Variants in UNC13B observed in about 807,000 individuals in gnomAD.
UNC13B encodes the protein protein unc-13 homolog B.
UNC13B carries 144 observed loss-of-function variants against 211.0 expected under a neutral mutation model. That is an observed-to-expected ratio of 0.68 (90% CI 0.60 to 0.78). The LOEUF is 0.78. UNC13B is among the 30% of genes least tolerant of loss of function. The pLI, the probability that UNC13B is intolerant of heterozygous loss-of-function variation, is 0.00. For synonymous variants in UNC13B, 709 were observed against 725.8 expected (o/e 0.98, Z 0.37); for missense variants, 1,777 against 2,002.0 (o/e 0.89, Z 2.14).
intron 18 of UNC13B, 91 bp from the exon 19 acceptor site, chr9:35,381,009 G>T: frequency 4.7e-6 from 6 of 1,273,348 alleles, no homozygotes; most frequent in Non-Finnish European, 6.5e-6. Context: ...CCTTGGGTTG[G>T]CCCCTTCTCT....
At chr9:35,345,754 C>T (rs1832314856) in intron 11 of UNC13B, among the ~76,000 whole-genome samples, 1 of 152,192 alleles carries the variant, frequency 6.6e-6, no homozygotes, top group Non-Finnish European at 1.5e-5. Flanking sequence ...GAAAGGGAGC[C>T]CTGGGCAGGG....
chr9:35,280,562 G>A (rs1390367639), intron 7 of UNC13B, among the ~76,000 whole-genome samples: 1 of 152,162 alleles, frequency 6.6e-6, no homozygotes, highest in Admixed American at 6.5e-5. Flanking sequence ...GTAAGGCAGT[G>A]CAATGGGTCT....
Position 35,303,735 on chromosome 9 carries a change from G to A in UNC13B, c.4331G>A (p.Gly1444Asp), listed in dbSNP as rs10814223. ...TTTAATGAAGATTACTTATTAAGAG[G>A]TGATGTGTGGGCAGCTAACTCATTA... Reference protein sequence around the residue: ...LAFNEDYLLRGDVWAANSLYG... With the variant: ...LAFNEDYLLRDDVWAANSLYG... The change falls in exon 9 of 40, where the codon GGT becomes GAT. Residue 1444 changes from glycine to aspartate, a missense_variant. Coordinates refer to ENST00000635942, the MANE Select transcript of UNC13B (RefSeq NM_001371189.2). 83,976 of 398,408 alleles carry A rather than the reference G, an allele frequency of 0.21. 9,290 individuals carry two copies. The highest frequency in any genetic ancestry group is 0.24 in the Non-Finnish European group (54,472 of 225,696). 24.7% of individuals were successfully genotyped at this position (398,408 alleles called of 1,614,324 possible). A position where few individuals can be genotyped will look rare whatever the true frequency, so the allele number is the denominator to read the frequency against.
intron 6 of UNC13B, among the ~76,000 whole-genome samples, chr9:35,247,631 G>C (rs1488706716): frequency 2.0e-5 from 3 of 152,106 alleles, no homozygotes; most frequent in Non-Finnish European, 2.9e-5. Flanking sequence ...TTTGTCTTTG[G>C]TTCTGTTTAT....
intron 6 of UNC13B, among the ~76,000 whole-genome samples, chr9:35,246,010 C>T (rs1307107394): frequency 1.3e-5 from 2 of 152,160 alleles, no homozygotes; most frequent in Non-Finnish European, 2.9e-5. Flanking sequence ...TCTCCAGCAC[C>T]TGTTGTTTCC....
At chr9:35,375,258 T>G in intron 14 of UNC13B, 57 bp downstream of exon 14, 1 of 1,549,660 alleles carries the variant, frequency 6.5e-7, no homozygotes, top group Non-Finnish European at 8.9e-7. Flanking sequence ...TGATCATCTC[T>G]GTAGCCATGC....
At chr9:35,336,363 G>T (rs1050683060) in intron 11 of UNC13B, among the ~76,000 whole-genome samples, 1 of 152,006 alleles carries the variant, frequency 6.6e-6, no homozygotes, top group Admixed American at 6.5e-5. Context: ...TATAACATGG[G>T]TATAACAATG....
At position 35,396,492 on chromosome 9, in the gene UNC13B, C is replaced by T. The variant is rs2132346897; in HGVS notation, c.11325C>T (p.His3775=). ...TACCACTAGAGCATGAGAAAGACCA[C>T]CTGTGTAAAAGTGCTGACTACATGA... is the stretch of plus-strand genomic sequence containing the variant. ...KYALEEHEKD[H]LCKSADYMNL... is the part of the protein sequence containing the mutation. Residue 3775 remains histidine (H), a synonymous_variant, in exon 27 of 40, where the codon CAC becomes CAT. Transcript: ENST00000635942. 1 of 1,614,124 alleles carries T rather than the reference C, an allele frequency of 6.2e-7. No individual in the cohort carries two copies. Among genetic ancestry groups the T allele is most frequent in the Non-Finnish European group, 8.5e-7 (1 of 1,180,042 alleles).
Position 35,308,228 on chromosome 9 carries a change from G to A in UNC13B, c.8824G>A (p.Ala2942Thr). ...SASGEHWDTK[A>T]NLSSPACPSG... Reference sequence around the variant, plus strand: ...ATCTGGAGAACACTGGGATACCAAAGCCAACCTGTCTAGCCCCGCCTGTCC... The same window carrying A: ...ATCTGGAGAACACTGGGATACCAAAACCAACCTGTCTAGCCCCGCCTGTCC... Residue 2942 changes from alanine (A) to threonine (T), a missense_variant, in exon 9 of 40, where the codon GCC becomes ACC. Transcript: ENST00000635942. 1 of 399,432 alleles carries A rather than the reference G, an allele frequency of 2.5e-6. No homozygotes were observed. Among genetic ancestry groups the A allele is most frequent in the East Asian group, 3.6e-5 (1 of 28,094 alleles). The allele number at this position is 399,432 out of a possible 1,614,324, so 24.7% of individuals were successfully genotyped here.
intron 7 of UNC13B, among the ~76,000 whole-genome samples, chr9:35,259,765 A>ATG (rs59824348): frequency 0.25 from 22,615 of 92,100 alleles, 2,927 homozygotes; most frequent in East Asian, 0.39. Context: ...AACCTGTGAT[A>ATG]TGTGTGTGTG....
Position 35,304,836 on chromosome 9 carries a change from A to T in UNC13B, c.5432A>T (p.Asn1811Ile), listed in dbSNP as rs888746248. Residue 1811 changes from asparagine to isoleucine, a missense_variant, in exon 9 of 40, where the codon AAT (asparagine) becomes ATT (isoleucine). Physicochemically the swap from Asn to Ile is moderately radical, Grantham distance 149. Coordinates refer to ENST00000635942, the MANE Select transcript of UNC13B (RefSeq NM_001371189.2). ...MSKQLEGNSP[N>I]VEKSLLKDSE... ...AAGCAATTAGAGGGTAACTCCCCAA[A>T]TGTGGAAAAAAGTCTTCTTAAGGAT... 42 of 398,970 alleles carry T rather than the reference A, an allele frequency of 1.1e-4. No individual in the cohort carries two copies. Among genetic ancestry groups the T allele is most frequent in the African/African-American group, 7.8e-4 (38 of 48,756 alleles). 24.7% of individuals were successfully genotyped at this position (398,970 alleles called of 1,614,324 possible). A position where few individuals can be genotyped will look rare whatever the true frequency, so the allele number is the denominator to read the frequency against.
chr9:35,309,887 T>C (rs1830102638), intron 9 of UNC13B, among the ~76,000 whole-genome samples: 1 of 152,218 alleles, frequency 6.6e-6, no homozygotes, highest in African/African-American at 2.4e-5. Flanking sequence ...CTGGCCTCTA[T>C]CTTCCAATGG....
At position 35,404,476 on chromosome 9, in the gene UNC13B, C is replaced by A; in HGVS notation, c.*443C>A. 5.1e-6 allele frequency: 1 copy of A among 194,828 alleles called. No homozygotes were observed. The highest frequency in any genetic ancestry group is 1.1e-4 in the South Asian group (1 of 8,820). 12.1% of individuals were successfully genotyped at this position (194,828 alleles called of 1,614,324 possible). ...GCTGGGTAGTCAGCTGAGCCTGTTGCTGAGCCCGGTGGTCTGGATTGGAGT... is the reference window on the plus strand; with the variant it reads ...GCTGGGTAGTCAGCTGAGCCTGTTGATGAGCCCGGTGGTCTGGATTGGAGT... On this transcript the variant is annotated 3_prime_UTR_variant, in exon 40 of 40. Transcript: ENST00000635942.
chr9:35,203,139 A>G (rs964282022), intron 1 of UNC13B, among the ~76,000 whole-genome samples: 6 of 152,082 alleles, frequency 3.9e-5, no homozygotes, highest in African/African-American at 1.4e-4. Context: ...TTTAATTGGA[A>G]TATTTAGCCC....
At chr9:35,384,352 T>C in intron 22 of UNC13B, 38 bp downstream of exon 22, 1 of 1,608,834 alleles carries the variant, frequency 6.2e-7, no homozygotes, top group South Asian at 1.1e-5. Flanking sequence ...ATAATAGATA[T>C]CAAGCACGGT....
chr9:35,165,072 A>T (rs1332909562), intron 1 of UNC13B, among the ~76,000 whole-genome samples: 2 of 152,236 alleles, frequency 1.3e-5, no homozygotes, highest in African/African-American at 4.8e-5. Context: ...ATAATGAAAC[A>T]TGTAGGAACC....
intron 6 of UNC13B, among the ~76,000 whole-genome samples, chr9:35,251,169 T>A (rs1371489248): frequency 6.6e-6 from 1 of 152,028 alleles, no homozygotes; most frequent in Admixed American, 6.6e-5. Context: ...TTTCACCGTG[T>A]TAGCCAGGAC....
chr9:35,339,010 C>T (rs1298927287), intron 11 of UNC13B, among the ~76,000 whole-genome samples: 1 of 152,184 alleles, frequency 6.6e-6, no homozygotes, highest in Non-Finnish European at 1.5e-5. Flanking sequence ...GACTAACCCA[C>T]CCATTCGGCT....
At chr9:35,363,944 G>A (rs561678306) in intron 11 of UNC13B, among the ~76,000 whole-genome samples, 81 of 152,322 alleles carry the variant, frequency 5.3e-4, no homozygotes, top group African/African-American at 1.7e-3. Context: ...CAGGCCTGTA[G>A]CCATTCAGCA....
Sources: gnomAD v4.1 joint callset for allele counts (sites outside exome capture counted in the v4.1 genomes callset) on GRCh38, gnomAD v4.1.1 for gene constraint, MANE v1.5 for transcripts, NCBI Gene and HGNC (gene_info 2026-07-23, HGNC 2026-07-21) for gene names.